The following GRIK5 variants were observed in gnomAD, a reference collection of about 807,000 sequenced individuals.
GRIK5 encodes the protein glutamate ionotropic receptor kainate type subunit 5, also known as glutamate receptor ionotropic, kainate 5.
A neutral mutation model predicts 97.4 loss-of-function variants in GRIK5; 43 were observed. That is an observed-to-expected ratio of 0.44 (90% confidence interval 0.35 to 0.57). The LOEUF (loss-of-function observed/expected upper bound fraction) is 0.57. Among genes scored for constraint, GRIK5 ranks in the 20% least tolerant of loss-of-function variants. GRIK5 has a pLI of 0.01. For missense variants in GRIK5, 1,015 were observed against 1,382.0 expected (o/e 0.73, Z 4.21); for synonymous variants, 580 against 583.5 (o/e 0.99, Z 0.09).
Position 42,042,864 on chromosome 19 carries a change from C to T in GRIK5, c.1270-109G>A, listed in dbSNP as rs1334759988. Reference sequence around the variant, plus strand: ...AGAGCAGGAATCTGCTTGCTGAGCACGGTTGATTTATTCATAGTACACATT... The same window carrying T: ...AGAGCAGGAATCTGCTTGCTGAGCATGGTTGATTTATTCATAGTACACATT... On this transcript the variant is annotated intron_variant, in intron 11 of 19. Coordinates refer to ENST00000593562, the MANE Select transcript of GRIK5 (RefSeq NM_002088.5). This position sits in a 1 kb window ranked among gnomAD's most constrained non-coding sequence, Gnocchi z 6.9. 6.7e-5 allele frequency: 52 copies of T among 776,882 alleles called. No individual in the cohort carries two copies. The highest frequency in any genetic ancestry group is 4.6e-4 in the South Asian group (27 of 58,456). The allele number at this position is 776,882 out of a possible 1,614,324, so 48.1% of individuals were successfully genotyped here. A position where few individuals can be genotyped will look rare whatever the true frequency, so the allele number is the denominator to read the frequency against.
At position 42,006,580 on chromosome 19, in the gene GRIK5, C is replaced by T; in HGVS notation, c.2037+65G>A. The T allele has an allele frequency of 5.6e-6, 8 of 1,436,256 alleles. No homozygotes were observed. In the South Asian group the frequency reaches 7.0e-5, roughly 13 times the overall value. 89.0% of individuals were successfully genotyped at this position (1,436,256 alleles called of 1,614,324 possible). A position where few individuals can be genotyped will look rare whatever the true frequency, so the allele number is the denominator to read the frequency against. On this transcript the variant is annotated intron_variant, in intron 16 of 19. Transcript: ENST00000593562. The surrounding 1 kb of genome is among the most constrained non-coding windows in gnomAD (Gnocchi z 5.3). ...TGACCCAGGAGACCCTGCCCAGACCCATCCTGAGCTGCTTTGCATGGCAGG... is the reference window on the plus strand; with the variant it reads ...TGACCCAGGAGACCCTGCCCAGACCTATCCTGAGCTGCTTTGCATGGCAGG...
At chr19:42,019,686 T>TAG (rs1395123005) in intron 15 of GRIK5, among the ~76,000 whole-genome samples, 1 of 152,042 alleles carries the variant, frequency 6.6e-6, no homozygotes, top group Non-Finnish European at 1.5e-5. Flanking sequence ...AGAAGGAAGT[T>TAG]AGAGAGAGAG....
In GRIK5 at chr19:42,050,475, C is replaced by T. The variant is rs187732050; in HGVS notation, c.1269+3127G>A. On this transcript the variant is annotated intron_variant, in intron 11 of 19. Transcript: ENST00000593562. ...GAGATCAAGACCATCCTGGCTAACACGGTGAAACCCCGTCTCTACTAAAAA... is the reference window on the plus strand; with the variant it reads ...GAGATCAAGACCATCCTGGCTAACATGGTGAAACCCCGTCTCTACTAAAAA... Among the ~76,000 whole-genome samples the T allele has an allele frequency of 9.3e-3, 1,405 of 151,634 alleles. 7 individuals are homozygous for T. The highest frequency in any genetic ancestry group is 0.015 in the Non-Finnish European group (1,045 of 67,880).
At chr19:42,024,058 T>C (rs2075736954) in intron 12 of GRIK5, among the ~76,000 whole-genome samples, 1 of 152,110 alleles carries the variant, frequency 6.6e-6, no homozygotes, top group Non-Finnish European at 1.5e-5. Context: ...TGCAGCAGGC[T>C]CATGCCCGCC....
At chr19:42,028,519 T>C (rs756701892) in intron 12 of GRIK5, among the ~76,000 whole-genome samples, 1 of 152,266 alleles carries the variant, frequency 6.6e-6, no homozygotes, top group Non-Finnish European at 1.5e-5. Flanking sequence ...GCATCGTTTC[T>C]TCTCCTGGCA....
In GRIK5 at chr19:42,069,665, G is replaced by A. The variant is rs2076396195; in HGVS notation, c.-475C>T. 6.6e-6 allele frequency among the ~76,000 whole-genome samples: 1 copy of A among 151,342 alleles called. No homozygotes were observed. Among genetic ancestry groups the A allele is most frequent in the African/African-American group, 2.4e-5 (1 of 41,234 alleles). The stretch of plus-strand genomic sequence containing the variant: ...GCCGGGCCGGCCTGGGGGGGCCACA[G>A]GGGGCGAGGACTGGGTGGAGAAAAG... On this transcript the variant is annotated 5_prime_UTR_variant, in exon 1 of 20. Coordinates refer to ENST00000593562, the MANE Select transcript of GRIK5 (RefSeq NM_002088.5).
Position 42,021,239 on chromosome 19 carries a change from C to A in GRIK5, c.1871+62G>T. On this transcript the variant is annotated intron_variant, in intron 15 of 19. Coordinates refer to ENST00000593562, the MANE Select transcript of GRIK5 (RefSeq NM_002088.5). This position sits in a 1 kb window ranked among gnomAD's most constrained non-coding sequence, Gnocchi z 4.2. ...CCAGGAGATGCCACAGCCCCAACCC[C>A]ATCCAGGCCTCAGATGGGTCCCTCC... The A allele has an allele frequency of 7.3e-7, 1 of 1,370,316 alleles. No individual in the cohort carries two copies. The highest frequency in any genetic ancestry group is 1.0e-6 in the Non-Finnish European group (1 of 990,124). The allele number at this position is 1,370,316 out of a possible 1,614,324, so 84.9% of individuals were successfully genotyped here. A position where few individuals can be genotyped will look rare whatever the true frequency, so the allele number is the denominator to read the frequency against.
At chr19:42,052,744 C>G (rs758621408) in intron 11 of GRIK5, among the ~76,000 whole-genome samples, 1 of 152,190 alleles carries the variant, frequency 6.6e-6, no homozygotes, top group African/African-American at 2.4e-5. Flanking sequence ...CTTGGGGAAG[C>G]CTCCTGCTCG....
intron 6 of GRIK5, among the ~76,000 whole-genome samples, chr19:42,059,057 G>A (rs1332996730): frequency 1.3e-5 from 2 of 152,196 alleles, no homozygotes; most frequent in Non-Finnish European, 2.9e-5. Context: ...ACACACCACA[G>A]TCTTGCTCCT....
At position 42,023,820 on chromosome 19, in the gene GRIK5, C is replaced by T. The variant is rs186216385; in HGVS notation, c.1474-1466G>A. On this transcript the variant is annotated intron_variant, in intron 12 of 19. Coordinates refer to ENST00000593562, the MANE Select transcript of GRIK5 (RefSeq NM_002088.5). ...CTGACTACAGCACTGGCCGCCTCAT[C>T]GGCGCCCCCTGCCGCCACTCATAAC... Among the ~76,000 whole-genome samples the T allele has an allele frequency of 6.1e-3, 927 of 152,342 alleles. 4 individuals carry two copies. Among genetic ancestry groups the T allele is most frequent in the Non-Finnish European group, 0.01 (704 of 68,022 alleles).
At position 42,003,305 on chromosome 19, in the gene GRIK5, G is replaced by GGGCCCCCC; in HGVS notation, c.2514+26_2514+27insGGGGGGCC. On this transcript the variant is annotated intron_variant, in intron 19 of 19. Coordinates refer to ENST00000593562, the MANE Select transcript of GRIK5 (RefSeq NM_002088.5). This position sits in a 1 kb window ranked among gnomAD's most constrained non-coding sequence, Gnocchi z 4.2. ...TCAGCCCCTGGGGGTCCCTGTTCCT[G>GGGCCCCCC]CCCACCCCCACCCCCAGCCTCCTCA... 9.7e-6 allele frequency: 15 copies of GGGCCCCCC among 1,540,714 alleles called. No homozygotes were observed. Among genetic ancestry groups the GGGCCCCCC allele is most frequent in the East Asian group, 2.3e-5 (1 of 44,352 alleles).
Position 42,005,847 on chromosome 19 carries a change from G to T in GRIK5, c.2139C>A (p.Leu713=). The T allele has an allele frequency of 6.2e-7, 1 of 1,612,794 alleles. No homozygotes were observed. Among genetic ancestry groups the T allele is most frequent in the Non-Finnish European group, 8.5e-7 (1 of 1,178,802 alleles). ...KSTEEGIARV[L]NSRYAFLLES... is the part of the protein sequence containing the mutation. ...CGAGCAGGAAGGCGTAGCGGGAGTT[G>T]AGGACGCGGGCAATGCCCTCTTCTG... Residue 713 remains leucine, a synonymous_variant, in exon 17 of 20, where the codon CTC becomes CTA. Coordinates refer to ENST00000593562, the MANE Select transcript of GRIK5 (RefSeq NM_002088.5).
At chr19:42,009,767 CAAAAA>C (rs1171061442) in intron 15 of GRIK5, among the ~76,000 whole-genome samples, 1 of 63,206 alleles carries the variant, frequency 1.6e-5, no homozygotes, top group Non-Finnish European at 3.2e-5. Context: ...GACTTTGTCT[CAAAAA>C]AAAAAAAAAA....
intron 12 of GRIK5, among the ~76,000 whole-genome samples, chr19:42,037,493 C>A (rs1028388646): frequency 6.6e-6 from 1 of 152,096 alleles, no homozygotes; most frequent in Non-Finnish European, 1.5e-5. Context: ...ACAAAAAAAC[C>A]CTCTGTGAGG....
chr19:42,015,674 C>T (rs1314221321), intron 15 of GRIK5, among the ~76,000 whole-genome samples: 2 of 152,170 alleles, frequency 1.3e-5, no homozygotes, highest in Non-Finnish European at 1.5e-5. Context: ...CAAGTGTTTT[C>T]TCTCATTGTC....
In GRIK5 at chr19:42,065,732, G is replaced by A. The variant is rs147540860; in HGVS notation, c.39C>T (p.Phe13=). 17 of 1,597,624 alleles carry A rather than the reference G, an allele frequency of 1.1e-5. No homozygotes were observed. The African/African-American group carries it at 1.3e-4, about 13-fold the overall frequency. The stretch of plus-strand genomic sequence containing the variant: ...AGAGCACCTGGCAGCTGGGGCTGGC[G>A]AAGGCAACAATCAGCAGCAGCAGCA... ...AELLLLLIVA[F]ASPSCQVLSS... is the part of the protein sequence containing the mutation. The change falls in exon 2 of 20, where the codon TTC becomes TTT. Residue 13 remains phenylalanine, a synonymous_variant. Coordinates refer to ENST00000593562, the MANE Select transcript of GRIK5 (RefSeq NM_002088.5). This position sits in a 1 kb window ranked among gnomAD's most constrained non-coding sequence, Gnocchi z 5.8.
chr19:42,000,863 C>A (rs1204579719), intron 19 of GRIK5, among the ~76,000 whole-genome samples: 2 of 152,216 alleles, frequency 1.3e-5, no homozygotes, highest in Non-Finnish European at 2.9e-5. Context: ...ACTGAGGCCT[C>A]CTGCCAACTG....
At position 42,003,947 on chromosome 19, in the gene GRIK5, T is replaced by A. The variant is rs1399131956; in HGVS notation, c.2264-264A>T. Among the ~76,000 whole-genome samples, 1 of 152,094 alleles carries A rather than the reference T, an allele frequency of 6.6e-6. No homozygotes were observed. The highest frequency in any genetic ancestry group is 1.5e-5 in the Non-Finnish European group (1 of 68,020). On this transcript the variant is annotated intron_variant, in intron 17 of 19. Transcript: ENST00000593562. This position sits in a 1 kb window ranked among gnomAD's most constrained non-coding sequence, Gnocchi z 4.2. Reference sequence around the variant, plus strand: ...GTTGCAAGCTCCTCCCCTCGGCCACTCTCAGACACCCTCACCCCCACGGCT... The same window carrying A: ...GTTGCAAGCTCCTCCCCTCGGCCACACTCAGACACCCTCACCCCCACGGCT...
chr19:42,047,847 T>C (rs1336225176), intron 11 of GRIK5, among the ~76,000 whole-genome samples: 1 of 151,384 alleles, frequency 6.6e-6, no homozygotes, highest in African/African-American at 2.4e-5. Context: ...GGTGGGCGCC[T>C]GTAATCCCAG....
Sources: gnomAD v4.1 joint callset for allele counts (sites outside exome capture counted in the v4.1 genomes callset) on GRCh38, gnomAD v4.1.1 for gene constraint, Gnocchi (gnomAD v3.1) non-coding constraint, MANE v1.5 for transcripts, NCBI Gene and HGNC (gene_info 2026-07-23, HGNC 2026-07-21) for gene names.